Variants in RBPMS observed in about 807,000 individuals in gnomAD.
RBPMS encodes the protein RNA binding protein, mRNA processing factor.
Under a neutral mutation model 26.8 loss-of-function variants are expected in RBPMS, and 7 were observed. The observed-to-expected ratio is 0.26, with a 90% CI of 0.15 to 0.49. RBPMS has a LOEUF of 0.49. Ranked by LOEUF, RBPMS falls within the 20% of genes least tolerant of loss-of-function variation. RBPMS has a pLI of 0.98. For missense variants in RBPMS, 186 were observed against 250.0 expected (o/e 0.74, Z 1.73); for synonymous variants, 96 against 93.3 (o/e 1.03, Z -0.17).
At chr8:30,425,409 C>G (rs1348489488) in intron 1 of RBPMS, among the ~76,000 whole-genome samples, 2 of 150,932 alleles carry the variant, frequency 1.3e-5, no homozygotes, top group Admixed American at 6.6e-5. Context: ...ATTTTAATTT[C>G]TTTTTTTTGA....
intron 1 of RBPMS, among the ~76,000 whole-genome samples, chr8:30,419,825 A>G (rs899341625): frequency 3.7e-4 from 57 of 152,188 alleles, no homozygotes; most frequent in African/African-American, 1.3e-3. Flanking sequence ...CTCACCCTGT[A>G]CTAATCAATT....
At chr8:30,558,401 T>A in intron 6 of RBPMS, 1 of 194,114 alleles carries the variant, frequency 5.2e-6, no homozygotes, top group Non-Finnish European at 1.1e-5. Flanking sequence ...CTGGAACCCT[T>A]TTTTTAAAAG....
chr8:30,487,187 G>A (rs948823413), intron 4 of RBPMS, among the ~76,000 whole-genome samples: 3 of 152,060 alleles, frequency 2.0e-5, no homozygotes, highest in Non-Finnish European at 4.4e-5. Flanking sequence ...CATTACTGAC[G>A]GTTCTGCAGG....
At chr8:30,525,104 A>T (rs921914309) in intron 5 of RBPMS, among the ~76,000 whole-genome samples, 3 of 152,154 alleles carry the variant, frequency 2.0e-5, no homozygotes, top group African/African-American at 7.2e-5. Context: ...ATTTAACTTG[A>T]TTTCTGGTAA....
intron 5 of RBPMS, 47 bp downstream of exon 5, chr8:30,504,483 G>T: frequency 6.3e-7 from 1 of 1,576,828 alleles, no homozygotes; most frequent in Non-Finnish European, 8.7e-7. Flanking sequence ...ACTAAGAACT[G>T]TTCATGTGCT....
intron 5 of RBPMS, among the ~76,000 whole-genome samples, chr8:30,527,745 CTG>C (rs1474467678): frequency 6.6e-6 from 1 of 152,132 alleles, no homozygotes; most frequent in African/African-American, 2.4e-5. Flanking sequence ...AGAGGAGTGT[CTG>C]TGAGAAAAGG....
At position 30,544,784 on chromosome 8, in the gene RBPMS, A is replaced by G; in HGVS notation, c.528+160A>G. On this transcript the variant is annotated intron_variant, in intron 6 of 8. Transcript: ENST00000397323. ...TAAATCAAGCTGACACTCCTTCAGG[A>G]CTGACGAGGATCGTCTGACAGCAAT... is the stretch of plus-strand genomic sequence containing the variant. 8 of 1,586,202 alleles carry G rather than the reference A, an allele frequency of 5.0e-6. 1 individual carries two copies. In the South Asian group the frequency reaches 8.9e-5, roughly 18 times the overall value.
chr8:30,531,426 A>T (rs1824213309), intron 5 of RBPMS, among the ~76,000 whole-genome samples: 1 of 152,250 alleles, frequency 6.6e-6, no homozygotes, highest in Non-Finnish European at 1.5e-5. Flanking sequence ...ACTGACAGGC[A>T]ACCTTTTAGT....
At chr8:30,519,124 A>G (rs1243201369) in intron 5 of RBPMS, among the ~76,000 whole-genome samples, 1 of 152,130 alleles carries the variant, frequency 6.6e-6, no homozygotes, top group African/African-American at 2.4e-5. Context: ...TTACAAAGAA[A>G]CCAGTTTTTA....
intron 1 of RBPMS, among the ~76,000 whole-genome samples, chr8:30,454,467 C>A (rs1344349696): frequency 6.6e-6 from 1 of 152,168 alleles, no homozygotes; most frequent in Admixed American, 6.5e-5. Flanking sequence ...CCATGTCTTA[C>A]TCTGCAACTC....
chr8:30,497,216 A>G (rs1178877163), intron 4 of RBPMS, among the ~76,000 whole-genome samples: 2 of 152,156 alleles, frequency 1.3e-5, no homozygotes, highest in Admixed American at 1.3e-4. Context: ...GGTCCCCAGG[A>G]TATTTCCTTT....
intron 6 of RBPMS, chr8:30,552,988 C>T (rs1012339570): frequency 2.0e-5 from 3 of 152,258 alleles, no homozygotes; most frequent in African/African-American, 7.2e-5. Flanking sequence ...AGCATGGCCT[C>T]CTCCAGCTAG....
chr8:30,435,539 A>G (rs1404563806), intron 1 of RBPMS, among the ~76,000 whole-genome samples: 2 of 152,240 alleles, frequency 1.3e-5, no homozygotes, highest in African/African-American at 4.8e-5. Flanking sequence ...ATAGATTCAA[A>G]GCCTTTTGCT....
chr8:30,544,310 A>G (rs1825684971), intron 5 of RBPMS, among the ~76,000 whole-genome samples, 184 bp from the exon 6 acceptor site: 1 of 152,190 alleles, frequency 6.6e-6, no homozygotes, highest in Admixed American at 6.5e-5. Context: ...TTCTTGTGTT[A>G]TATTTTTCGT....
intron 1 of RBPMS, among the ~76,000 whole-genome samples, chr8:30,385,580 G>T (rs748880394): frequency 6.6e-6 from 1 of 152,046 alleles, no homozygotes; most frequent in Non-Finnish European, 1.5e-5. Flanking sequence ...CTCGTTAAAA[G>T]ATACCTCTAT....
chr8:30,545,900 G>A (rs1825828733), intron 6 of RBPMS, among the ~76,000 whole-genome samples: 1 of 152,182 alleles, frequency 6.6e-6, no homozygotes, highest in East Asian at 1.9e-4. Flanking sequence ...AAAAATGTAG[G>A]TGGTGTTGGT....
chr8:30,564,828 C>T (rs1368270541), intron 7 of RBPMS: 1 of 152,742 alleles, frequency 6.5e-6, no homozygotes, highest in South Asian at 2.1e-4. Flanking sequence ...CCCACCTCCC[C>T]CCGCCCAGGT....
At chr8:30,524,167 A>G (rs957089699) in intron 5 of RBPMS, among the ~76,000 whole-genome samples, 3 of 152,126 alleles carry the variant, frequency 2.0e-5, no homozygotes, top group Non-Finnish European at 4.4e-5. Context: ...GTGTACTTCA[A>G]TCAAGAGGCA....
At chr8:30,442,649 C>G (rs1813234072) in intron 1 of RBPMS, 1 of 152,402 alleles carries the variant, frequency 6.6e-6, no homozygotes, top group South Asian at 2.1e-4. Flanking sequence ...CGGGCTGGTG[C>G]GCTGAGCTCT....
Sources: gnomAD v4.1 joint callset for allele counts (sites outside exome capture counted in the v4.1 genomes callset) on GRCh38, gnomAD v4.1.1 for gene constraint, MANE v1.5 for transcripts, NCBI Gene and HGNC (gene_info 2026-07-23, HGNC 2026-07-21) for gene names.